Variants in FSTL5 observed in about 807,000 individuals in gnomAD.
The protein encoded by FSTL5 is follistatin-related protein 5.
FSTL5 carries 62 observed loss-of-function variants against 89.1 expected under a neutral mutation model. The ratio of observed to expected loss-of-function variants is 0.70; its 90% confidence interval spans 0.57 to 0.86. The LOEUF (loss-of-function observed/expected upper bound fraction) is 0.86, where lower values mean the gene tolerates loss of function less well. FSTL5 is among the 40% of genes least tolerant of loss of function. FSTL5 has a pLI of 0.00. For synonymous variants in FSTL5, 383 were observed against 346.2 expected (o/e 1.11, Z -1.18); for missense variants, 1,057 against 1,001.6 (o/e 1.06, Z -0.75).
At chr4:161,396,819 G>A (rs1380833054) in intron 15 of FSTL5, among the ~76,000 whole-genome samples, 2 of 151,648 alleles carry the variant, frequency 1.3e-5, no homozygotes, top group African/African-American at 4.8e-5. Context: ...TTAAACATGA[G>A]AGTTGTTGAC....
At chr4:161,576,530 A>T (rs1169027320) in intron 8 of FSTL5, among the ~76,000 whole-genome samples, 1 of 152,224 alleles carries the variant, frequency 6.6e-6, no homozygotes, top group East Asian at 1.9e-4. Flanking sequence ...ATCTGCAGCC[A>T]TCTGATCTTC....
chr4:161,847,793 T>G (rs1731415771), intron 4 of FSTL5, among the ~76,000 whole-genome samples: 1 of 151,908 alleles, frequency 6.6e-6, no homozygotes, highest in African/African-American at 2.4e-5. Flanking sequence ...TCCGAGGACT[T>G]TGGGAGGCCA....
chr4:161,781,949 CCA>C (rs1329048206), intron 4 of FSTL5, among the ~76,000 whole-genome samples: 2 of 152,078 alleles, frequency 1.3e-5, no homozygotes, highest in African/African-American at 4.8e-5. Flanking sequence ...TTTATGCTTT[CCA>C]CAGTTTTATC....
intron 3 of FSTL5, among the ~76,000 whole-genome samples, chr4:161,966,008 T>G (rs556271011): frequency 6.6e-6 from 1 of 152,240 alleles, no homozygotes; most frequent in East Asian, 1.9e-4. Context: ...TATGTATGAA[T>G]ATGTGTATAA....
At chr4:161,757,489 C>A (rs1330527382) in intron 6 of FSTL5, among the ~76,000 whole-genome samples, 1 of 152,004 alleles carries the variant, frequency 6.6e-6, no homozygotes, top group Admixed American at 6.6e-5. Flanking sequence ...CAGCAGGAAG[C>A]ATAGGGAAAA....
chr4:161,613,193 C>G (rs556473637), intron 7 of FSTL5, among the ~76,000 whole-genome samples: 1 of 152,128 alleles, frequency 6.6e-6, no homozygotes. Flanking sequence ...TGGTTCACGC[C>G]TGTTATCCCA....
chr4:162,124,092 T>C (rs1216011368), intron 1 of FSTL5, among the ~76,000 whole-genome samples: 2 of 152,218 alleles, frequency 1.3e-5, no homozygotes, highest in Non-Finnish European at 2.9e-5. Context: ...ATATGTCTTA[T>C]GTCTTTTGAA....
chr4:161,485,070 A>T (rs899631680), intron 12 of FSTL5, among the ~76,000 whole-genome samples: 6 of 152,204 alleles, frequency 3.9e-5, no homozygotes, highest in Non-Finnish European at 8.8e-5. Flanking sequence ...AGGTGTTGTA[A>T]CCCAACTACA....
chr4:161,616,742 G>C (rs1002299325), intron 7 of FSTL5, among the ~76,000 whole-genome samples: 1 of 151,908 alleles, frequency 6.6e-6, no homozygotes, highest in Admixed American at 6.6e-5. Context: ...AGGATAAATA[G>C]GTGGCATGCA....
intron 8 of FSTL5, among the ~76,000 whole-genome samples, chr4:161,544,501 G>T (rs530270685): frequency 3.9e-5 from 6 of 152,062 alleles, no homozygotes; most frequent in African/African-American, 1.4e-4. Flanking sequence ...AGAAATGACT[G>T]CTTAATGGAT....
intron 13 of FSTL5, among the ~76,000 whole-genome samples, chr4:161,475,954 C>T (rs1206394113): frequency 4.6e-5 from 7 of 151,844 alleles, no homozygotes; most frequent in Admixed American, 2.6e-4. Flanking sequence ...GGGGTTCCAC[C>T]GTGTTAGCGA....
chr4:161,488,098 A>C (rs1208500988), intron 12 of FSTL5, among the ~76,000 whole-genome samples: 1 of 152,226 alleles, frequency 6.6e-6, no homozygotes, highest in East Asian at 1.9e-4. Context: ...ATAGCCTCCA[A>C]ATTTGACCAT....
At chr4:161,525,502 T>C (rs1428053326) in intron 10 of FSTL5, among the ~76,000 whole-genome samples, 2 of 152,164 alleles carry the variant, frequency 1.3e-5, no homozygotes, top group East Asian at 1.9e-4. Context: ...ATTACAGCAG[T>C]CAAATTATAG....
chr4:161,585,082 C>T (rs937704079), intron 8 of FSTL5, among the ~76,000 whole-genome samples: 4 of 152,016 alleles, frequency 2.6e-5, no homozygotes, highest in African/African-American at 9.7e-5. Flanking sequence ...CAGAAAAACC[C>T]GAGATCAGAG....
At chr4:161,525,459 C>T (rs1429933427) in intron 10 of FSTL5, among the ~76,000 whole-genome samples, 1 of 152,130 alleles carries the variant, frequency 6.6e-6, no homozygotes, top group Non-Finnish European at 1.5e-5. Flanking sequence ...TGTTCACATA[C>T]TTTGTAAGGT....
At chr4:162,004,867 C>A (rs1391513549) in intron 3 of FSTL5, among the ~76,000 whole-genome samples, 3 of 152,098 alleles carry the variant, frequency 2.0e-5, no homozygotes, top group Non-Finnish European at 4.4e-5. Flanking sequence ...TAAATATTTA[C>A]TGATTTCCAT....
At chr4:161,727,183 C>T (rs1336628760) in intron 6 of FSTL5, among the ~76,000 whole-genome samples, 1 of 152,126 alleles carries the variant, frequency 6.6e-6, no homozygotes, top group East Asian at 1.9e-4. Context: ...GTGAAGAATC[C>T]TGCTGTTGCT....
chr4:161,915,866 G>C (rs1473070864), intron 4 of FSTL5, among the ~76,000 whole-genome samples: 1 of 151,976 alleles, frequency 6.6e-6, no homozygotes, highest in East Asian at 1.9e-4. Context: ...GGTATAAAAG[G>C]CTGTATTAAC....
intron 3 of FSTL5, among the ~76,000 whole-genome samples, chr4:162,029,404 T>C (rs150903161): frequency 2.4e-3 from 358 of 152,284 alleles, no homozygotes; most frequent in African/African-American, 8.2e-3. Flanking sequence ...TAGAGGATTA[T>C]AGAGTTTTGA....
Sources: gnomAD v4.1 joint callset for allele counts (sites outside exome capture counted in the v4.1 genomes callset) on GRCh38, gnomAD v4.1.1 for gene constraint, MANE v1.5 for transcripts, NCBI Gene and HGNC (gene_info 2026-07-23, HGNC 2026-07-21) for gene names.